RNASET2: variants seen among roughly 807,000 people sequenced by gnomAD.
RNASET2 encodes ribonuclease T2.
RNASET2 carries 28 observed loss-of-function variants against 33.9 expected under a neutral mutation model. The observed-to-expected ratio is 0.83, with a 90% CI of 0.61 to 1.13. The LOEUF (loss-of-function observed/expected upper bound fraction) is 1.13. Among genes scored for constraint, RNASET2 ranks in the 50% most tolerant of loss-of-function variants. The probability of loss-of-function intolerance (pLI) is 0.00; values close to 1 mark genes in which losing one functional copy is unlikely to be tolerated. For synonymous variants in RNASET2, 123 were observed against 121.0 expected, an observed-to-expected ratio of 1.02 and a Z score of -0.11; for missense variants, 330 against 319.9, an observed-to-expected ratio of 1.03 and a Z score of -0.24.
At position 166,926,415 on chromosome 6, in the gene RNASET2, T is replaced by A. The variant is rs1778304476; in HGVS notation, c.*3173A>T. 6.6e-6 allele frequency among the ~76,000 whole-genome samples: 1 copy of A among 151,158 alleles called. No homozygotes were observed. The highest frequency in any genetic ancestry group is 2.0e-4 in the East Asian group (1 of 5,104). On this transcript the variant is annotated 3_prime_UTR_variant, in exon 9 of 9. Coordinates refer to ENST00000508775, the MANE Select transcript of RNASET2 (RefSeq NM_003730.6). Reference sequence around the variant, plus strand: ...TAGCCGGGCATGGTGGCGTGCCTAGTCCCAGCTACTCGGGAGGCTGAGGCA... The same window carrying A: ...TAGCCGGGCATGGTGGCGTGCCTAGACCCAGCTACTCGGGAGGCTGAGGCA...
At position 166,924,004 on chromosome 6, in the gene RNASET2, C is replaced by A. The variant is rs1166365661; in HGVS notation, c.*5584G>T. Among the ~76,000 whole-genome samples the A allele has an allele frequency of 6.6e-6, 1 of 152,178 alleles. No homozygotes were observed. Among genetic ancestry groups the A allele is most frequent in the East Asian group, 1.9e-4 (1 of 5,202 alleles). On this transcript the variant is annotated 3_prime_UTR_variant, in exon 9 of 9. Transcript: ENST00000508775. ...ATTCCTGATCCAAAGTTCGCAGAAA[C>A]AAAAAGTGAAAACAGGCGATCTGCA...
At position 166,953,879 on chromosome 6, in the gene RNASET2, C is replaced by CAAAAAAAAAAAAAAAAAAAAAAAAA. The variant is rs548523987; in HGVS notation, c.87-1332_87-1331insTTTTTTTTTTTTTTTTTTTTTTTTT. ...TGGGCTACACAGCCAGACCCTGTCT[C>CAAAAAAAAAAAAAAAAAAAAAAAAA]AAAAAAAAAAAAAAAGGATGAGCTG... On this transcript the variant is annotated intron_variant, in intron 1 of 8. Transcript: ENST00000508775. Among the ~76,000 whole-genome samples the CAAAAAAAAAAAAAAAAAAAAAAAAA allele has an allele frequency of 2.3e-4, 25 of 110,714 alleles. 1 individual carries two copies. Among genetic ancestry groups the CAAAAAAAAAAAAAAAAAAAAAAAAA allele is most frequent in the East Asian group, 1.7e-3 (6 of 3,584 alleles). The allele number at this position is 110,714 out of a possible 152,430, so 72.6% of individuals were successfully genotyped here.
chr6:166,940,341 T>C lies in RNASET2; in HGVS notation c.333-1333A>G, dbSNP rs190205110. On this transcript the variant is annotated intron_variant, in intron 5 of 8. Transcript: ENST00000508775. ...GGCAAAATTCATCCAAAATACTAGT[T>C]TTAAATAATTCCTATTGATTTAACT... Among the ~76,000 whole-genome samples the C allele has an allele frequency of 1.2e-4, 18 of 152,332 alleles. No homozygotes were observed. The East Asian group carries it at 3.3e-3, about 28-fold the overall frequency.
Position 166,952,553 on chromosome 6 carries a change from TAAAACATAA to T in RNASET2, c.87-14_87-6del. 6.2e-7 allele frequency: 1 copy of T among 1,609,622 alleles called. No homozygotes were observed. Among genetic ancestry groups the T allele is most frequent in the Non-Finnish European group, 8.5e-7 (1 of 1,175,778 alleles). Reference sequence around the variant, plus strand: ...TTTTTCCACTCATGGTTGTCACTGTTAAAACATAAGAAACTTATTTTTCAAGAACTTTTT... The same window carrying T: ...TTTTTCCACTCATGGTTGTCACTGTTGAAACTTATTTTTCAAGAACTTTTT... On this transcript the variant is annotated splice_region_variant and splice_polypyrimidine_tract_variant and intron_variant, in intron 1 of 8. Coordinates refer to ENST00000508775, the MANE Select transcript of RNASET2 (RefSeq NM_003730.6).
At position 166,948,751 on chromosome 6, in the gene RNASET2, A is replaced by G. The variant is rs143351083; in HGVS notation, c.148-126T>C. The G allele has an allele frequency of 4.6e-4, 328 of 719,292 alleles. No homozygotes were observed. The African/African-American group carries it at 5.4e-3, about 12-fold the overall frequency. The allele number at this position is 719,292 out of a possible 1,614,324, so 44.6% of individuals were successfully genotyped here. On this transcript the variant is annotated intron_variant, in intron 2 of 8. Transcript: ENST00000508775. The stretch of plus-strand genomic sequence containing the variant: ...CCAACGAGATACAGGTACTGCACTA[A>G]TAACACAAGCTAAAGCCAGGGCTAC...
chr6:166,939,783 T>C (rs1421722311), intron 5 of RNASET2, among the ~76,000 whole-genome samples: 1 of 152,216 alleles, frequency 6.6e-6, no homozygotes, highest in Non-Finnish European at 1.5e-5. Context: ...CCATTCTACA[T>C]AGAGGACAAT....
intron 2 of RNASET2, among the ~76,000 whole-genome samples, chr6:166,949,440 G>C (rs147086615): frequency 7.2e-6 from 1 of 138,854 alleles, no homozygotes; most frequent in Non-Finnish European, 1.5e-5. Flanking sequence ...GGCAGAGCTT[G>C]CAGTGAGCCG....
chr6:166,941,261 G>A (rs996019825), intron 5 of RNASET2, among the ~76,000 whole-genome samples: 18 of 152,130 alleles, frequency 1.2e-4, no homozygotes, highest in Admixed American at 1.0e-3. Flanking sequence ...TGCATACTGT[G>A]CCCACACTGT....
rs544901459 is a variant in RNASET2 at position 166,928,743 on chromosome 6, G to A, written c.*845C>T. ...GAGTGAAATCCCTGCACGGCAGGCC[G>A]AGAGCGTGGGTGCAGCAGTCTGCCT... is the stretch of plus-strand genomic sequence containing the variant. On this transcript the variant is annotated 3_prime_UTR_variant, in exon 9 of 9. Transcript: ENST00000508775. 3.3e-5 allele frequency among the ~76,000 whole-genome samples: 5 copies of A among 152,322 alleles called. No individual in the cohort carries two copies. Among genetic ancestry groups the A allele is most frequent in the African/African-American group, 7.2e-5 (3 of 41,570 alleles).
At position 166,929,568 on chromosome 6, in the gene RNASET2, A is replaced by T. The variant is rs755217728; in HGVS notation, c.*20T>A. 1 of 1,611,378 alleles carries T rather than the reference A, an allele frequency of 6.2e-7. No individual in the cohort carries two copies. The highest frequency in any genetic ancestry group is 1.3e-5 in the African/African-American group (1 of 74,854). On this transcript the variant is annotated 3_prime_UTR_variant, in exon 9 of 9. Transcript: ENST00000508775. Reference sequence around the variant, plus strand: ...AATTTCTCTTGCTTTTTAAAACAGAATATTTCCAAAACTTGGGCATCAATG... The same window carrying T: ...AATTTCTCTTGCTTTTTAAAACAGATTATTTCCAAAACTTGGGCATCAATG...
chr6:166,948,788 T>C (rs1778909787), intron 2 of RNASET2, among the ~76,000 whole-genome samples, 163 bp from the exon 3 acceptor site: 1 of 152,332 alleles, frequency 6.6e-6, no homozygotes, highest in East Asian at 1.9e-4. Context: ...TCACAATACA[T>C]TGCTTACAAC....
At chr6:166,946,948 A>G (rs1008167286) in intron 3 of RNASET2, 16 of 631,672 alleles carry the variant, frequency 2.5e-5, no homozygotes, top group Admixed American at 1.9e-4. Flanking sequence ...AGGGAAAAGA[A>G]ATTGTGTTAA....
chr6:166,955,193 ACACG>A (rs1562506423), intron 1 of RNASET2, among the ~76,000 whole-genome samples: 1 of 117,750 alleles, frequency 8.5e-6, no homozygotes, highest in Non-Finnish European at 1.9e-5. Context: ...ACACACGCAC[ACACG>A]CACGCACACA....
At chr6:166,930,991 A>G (rs1778422864) in intron 8 of RNASET2, 53 bp downstream of exon 8, 4 of 1,265,288 alleles carry the variant, frequency 3.2e-6, no homozygotes, top group Admixed American at 1.7e-5. Context: ...CCATCAGAAA[A>G]GTAGAACCTG....
chr6:166,955,685 A>T (rs1779147136), intron 1 of RNASET2: 2 of 1,057,986 alleles, frequency 1.9e-6, no homozygotes, highest in Non-Finnish European at 2.3e-6. Context: ...ACCTCACCCT[A>T]CCCCCTACTC....
Position 166,929,625 on chromosome 6 carries a change from G to A in RNASET2, c.734C>T (p.Pro245Leu), listed in dbSNP as rs1363644149. The A allele has an allele frequency of 1.9e-6, 3 of 1,614,022 alleles. No individual in the cohort carries two copies. Among genetic ancestry groups the A allele is most frequent in the Admixed American group, 1.7e-5 (1 of 59,996 alleles). Residue 245 changes from proline to leucine, a missense_variant, in exon 9 of 9, where the codon CCA (proline) becomes CTA (leucine). Pro to Leu is a moderately conservative substitution (Grantham distance 98, BLOSUM62 -3). Coordinates refer to ENST00000508775, the MANE Select transcript of RNASET2 (RefSeq NM_003730.6). ...SRGLRVCEDG[P>L]VFYPPPKKTK... ...CTTTTTAGGTGGGGGATAGAAGACTGGGCCATCTTCACAGACTCTCAGACC... is the reference window on the plus strand; with the variant it reads ...CTTTTTAGGTGGGGGATAGAAGACTAGGCCATCTTCACAGACTCTCAGACC...
intron 5 of RNASET2, among the ~76,000 whole-genome samples, chr6:166,940,887 C>A (rs923186794): frequency 1.3e-5 from 2 of 152,074 alleles, no homozygotes; most frequent in Admixed American, 1.3e-4. Context: ...CCCACTGTCA[C>A]CCAGCCCGCT....
chr6:166,955,298 G>GCA (rs1562507199), intron 1 of RNASET2, among the ~76,000 whole-genome samples: 6 of 31,932 alleles, frequency 1.9e-4, no homozygotes, highest in African/African-American at 7.3e-4. Flanking sequence ...ACGCACAGAC[G>GCA]CGCACACACG....
chr6:166,939,066 G>T, intron 5 of RNASET2, 58 bp from the exon 6 acceptor site: 1 of 1,239,108 alleles, frequency 8.1e-7, no homozygotes, highest in Non-Finnish European at 1.2e-6. Flanking sequence ...GCGTGCAGTG[G>T]CTCATGCCTG....
Sources: gnomAD v4.1 joint callset for allele counts (sites outside exome capture counted in the v4.1 genomes callset) on GRCh38, gnomAD v4.1.1 for gene constraint, MANE v1.5 for transcripts, NCBI Gene and HGNC (gene_info 2026-07-23, HGNC 2026-07-21) for gene names.